Variants in ESRRG observed in about 807,000 individuals in gnomAD.
ESRRG encodes the protein estrogen related receptor gamma, also known as estrogen-related receptor gamma.
In ESRRG, 13 loss-of-function variants were observed where a neutral mutation model predicts 44.0. The ratio of observed to expected loss-of-function variants is 0.30; its 90% CI spans 0.19 to 0.47. ESRRG has a LOEUF of 0.47. Among genes scored for constraint, ESRRG ranks in the 20% least tolerant of loss-of-function variants. The pLI is 1.00. For synonymous variants in ESRRG, 215 were observed against 214.6 expected, an observed-to-expected ratio of 1.00 and a Z score of -0.02; for missense variants, 395 against 580.6, an observed-to-expected ratio of 0.68 and a Z score of 3.29.
At chr1:216,985,802 C>A (rs1473235908) in intron 1 of ESRRG, 1 of 152,038 alleles carries the variant, frequency 6.6e-6, no homozygotes, top group Non-Finnish European at 1.5e-5. Context: ...GGGTTGGCTG[C>A]CAAGGTAGAT....
chr1:216,986,084 A>G (rs1358346563), intron 1 of ESRRG, among the ~76,000 whole-genome samples: 2 of 152,032 alleles, frequency 1.3e-5, no homozygotes, highest in East Asian at 1.9e-4. Context: ...GACATTTCCT[A>G]TAGCAAGATA....
intron 2 of ESRRG, among the ~76,000 whole-genome samples, chr1:216,833,956 G>A (rs1561187): frequency 0.042 from 6,351 of 152,276 alleles, 397 homozygotes; most frequent in African/African-American, 0.14. Context: ...AAGCTGAGGT[G>A]AGACCATGAG....
chr1:216,990,534 C>A (rs1048194698), intron 1 of ESRRG, among the ~76,000 whole-genome samples: 3 of 151,984 alleles, frequency 2.0e-5, no homozygotes, highest in African/African-American at 7.2e-5. Context: ...CACTTGTATG[C>A]GGATTTTCTC....
chr1:216,999,120 C>T (rs769315610), intron 1 of ESRRG, among the ~76,000 whole-genome samples: 1 of 152,066 alleles, frequency 6.6e-6, no homozygotes, highest in Non-Finnish European at 1.5e-5. Context: ...TTAGTTTTGC[C>T]CTCTCTGGAC....
chr1:216,953,025 C>T (rs1241679155), intron 1 of ESRRG, among the ~76,000 whole-genome samples: 1 of 152,148 alleles, frequency 6.6e-6, no homozygotes, highest in Non-Finnish European at 1.5e-5. Context: ...GCACACCAAA[C>T]CACAGAGGCA....
chr1:216,945,739 T>G (rs1307831302), intron 1 of ESRRG, among the ~76,000 whole-genome samples: 1 of 152,218 alleles, frequency 6.6e-6, no homozygotes, highest in Non-Finnish European at 1.5e-5. Context: ...AAAAATGACT[T>G]TAGACTCTGC....
At chr1:216,852,397 A>G (rs2095855769) in intron 2 of ESRRG, among the ~76,000 whole-genome samples, 1 of 152,202 alleles carries the variant, frequency 6.6e-6, no homozygotes, top group Non-Finnish European at 1.5e-5. Flanking sequence ...CACACAAATT[A>G]GCAACTGAAG....
intron 6 of ESRRG, among the ~76,000 whole-genome samples, chr1:216,513,510 C>T (rs1422268777): frequency 6.6e-6 from 1 of 151,964 alleles, no homozygotes; most frequent in African/African-American, 2.4e-5. Flanking sequence ...TTTTAGAAGG[C>T]CTGTTTTCCT....
chr1:216,925,050 A>G (rs567489596), intron 2 of ESRRG, among the ~76,000 whole-genome samples: 1 of 152,090 alleles, frequency 6.6e-6, no homozygotes, highest in Non-Finnish European at 1.5e-5. Flanking sequence ...GAGCCACCTT[A>G]TCAAGCAATA....
At chr1:217,030,171 G>GTC (rs371464140) in intron 1 of ESRRG, among the ~76,000 whole-genome samples, 8 of 151,370 alleles carry the variant, frequency 5.3e-5, no homozygotes, top group Non-Finnish European at 7.4e-5. Flanking sequence ...CTTTCTCTTT[G>GTC]TCTCTCTCTC....
At chr1:217,005,789 T>C (rs1440821012) in intron 1 of ESRRG, among the ~76,000 whole-genome samples, 28 of 152,004 alleles carry the variant, frequency 1.8e-4, no homozygotes, top group Non-Finnish European at 2.8e-4. Context: ...CTCTCTTCTT[T>C]TTTTCTAAGC....
intron 3 of ESRRG, among the ~76,000 whole-genome samples, chr1:216,590,478 C>T (rs1375131240): frequency 2.6e-5 from 4 of 152,174 alleles, no homozygotes; most frequent in South Asian, 2.1e-4. Flanking sequence ...TGGATGAATA[C>T]ATTTTTAAAA....
Position 216,542,303 on chromosome 1 carries a change from C to CT in ESRRG, c.862+21915dup, listed in dbSNP as rs563363969. Among the ~76,000 whole-genome samples the CT allele has an allele frequency of 2.3e-4, 35 of 151,894 alleles. No homozygotes were observed. In the South Asian group the frequency reaches 5.8e-3, roughly 25 times the overall value. On this transcript the variant is annotated intron_variant, in intron 5 of 6. Coordinates refer to ENST00000408911, the MANE Select transcript of ESRRG (RefSeq NM_001438.4). ...TTTAACCACTTCAGTAGGATTCAGG[C>CT]TTTTTTCTCTCTTGGAAGAATAAAA...
intron 2 of ESRRG, among the ~76,000 whole-genome samples, chr1:216,734,008 A>C (rs76735721): frequency 6.7e-6 from 1 of 148,604 alleles, no homozygotes; most frequent in Non-Finnish European, 1.5e-5. Context: ...AAAAAAAAAA[A>C]CTCACCTTCA....
intron 2 of ESRRG, among the ~76,000 whole-genome samples, chr1:216,814,966 C>A (rs1385876796): frequency 6.6e-6 from 1 of 152,218 alleles, no homozygotes; most frequent in South Asian, 2.1e-4. Flanking sequence ...TTAAGTTAAT[C>A]TCTATGAGGT....
chr1:217,072,961 A>G (rs1246497237), intron 1 of ESRRG, among the ~76,000 whole-genome samples: 2 of 152,034 alleles, frequency 1.3e-5, no homozygotes, highest in African/African-American at 4.8e-5. Context: ...CAGTCATATG[A>G]TATCTCCCAA....
chr1:216,566,937 G>T (rs993338530), intron 4 of ESRRG, among the ~76,000 whole-genome samples: 4 of 151,942 alleles, frequency 2.6e-5, no homozygotes, highest in Non-Finnish European at 5.9e-5. Context: ...TACAGTTCAG[G>T]GTCTGTTTTA....
chr1:216,894,655 G>A (rs148398913), intron 2 of ESRRG, among the ~76,000 whole-genome samples: 349 of 152,162 alleles, frequency 2.3e-3, no homozygotes, highest in African/African-American at 8.1e-3. Flanking sequence ...CTGGGGACTC[G>A]GGAAAGAGGC....
chr1:217,127,851 G>C (rs972497368), intron 1 of ESRRG, among the ~76,000 whole-genome samples: 1 of 152,158 alleles, frequency 6.6e-6, no homozygotes, highest in African/African-American at 2.4e-5. Flanking sequence ...ACACACTAAA[G>C]CTTCCATTTT....
Sources: allele counts gnomAD v4.1 joint callset (sites outside exome capture counted in the v4.1 genomes callset), GRCh38; gene constraint gnomAD v4.1.1; transcripts MANE v1.5; gene names NCBI Gene and HGNC (gene_info 2026-07-23, HGNC 2026-07-21).